Variants in KIF5C observed in about 807,000 individuals in gnomAD.
KIF5C encodes the protein kinesin family member 5C, also known as kinesin heavy chain isoform 5C.
KIF5C carries 18 observed loss-of-function variants against 125.2 expected under a neutral mutation model. That is an observed-to-expected ratio of 0.14 (90% CI 0.10 to 0.21). The LOEUF (loss-of-function observed/expected upper bound fraction) is 0.21. Ranked by LOEUF, KIF5C falls within the 10% of genes least tolerant of loss-of-function variation. The probability of loss-of-function intolerance (pLI) is 1.00; values close to 1 mark genes in which losing one functional copy is unlikely to be tolerated. For missense variants in KIF5C, 780 were observed against 1,183.8 expected (o/e 0.66, Z 5.01); for synonymous variants, 405 against 434.0 (o/e 0.93, Z 0.83).
chr2:149,005,372 G>A (rs1681976238), intron 21 of KIF5C, 21 bp from the exon 22 acceptor site: 1 of 1,611,444 alleles, frequency 6.2e-7, no homozygotes, highest in African/African-American at 1.3e-5. Flanking sequence ...CACTTAAGTG[G>A]CCTTTAAAAA....
chr2:148,966,657 T>A lies in KIF5C; in HGVS notation c.1117+4538T>A, dbSNP rs779362193. Among the ~76,000 whole-genome samples the A allele has an allele frequency of 1.1e-3, 162 of 152,278 alleles. 1 individual carries two copies. Among genetic ancestry groups the A allele is most frequent in the Non-Finnish European group, 1.4e-3 (95 of 68,016 alleles). On this transcript the variant is annotated intron_variant, in intron 11 of 25. Coordinates refer to ENST00000435030, the MANE Select transcript of KIF5C (RefSeq NM_004522.3). ...TTTCAACCCTTTGTAGCTTGATGCA[T>A]GCTATAGATTGAATGTTTTGTGCCC...
chr2:148,960,331 A>C (rs1483374175), intron 10 of KIF5C, among the ~76,000 whole-genome samples: 2 of 152,212 alleles, frequency 1.3e-5, no homozygotes, highest in African/African-American at 4.8e-5. Context: ...GTGTGCCCTT[A>C]AGTGTCCATA....
At chr2:149,001,765 T>C (rs113737863) in intron 21 of KIF5C, among the ~76,000 whole-genome samples, 3,654 of 152,340 alleles carry the variant, frequency 0.024, 136 homozygotes, top group African/African-American at 0.077. Context: ...GCATTTCACA[T>C]GATTCAATGA....
In KIF5C at chr2:148,991,028, G is replaced by A; in HGVS notation, c.1735G>A (p.Val579Ile). 6.2e-7 allele frequency: 1 copy of A among 1,613,584 alleles called. No individual in the cohort carries two copies. Among genetic ancestry groups the A allele is most frequent in the Non-Finnish European group, 8.5e-7 (1 of 1,179,752 alleles). The change falls in exon 16 of 26, where the codon GTC becomes ATC. Residue 579 changes from valine to isoleucine, a missense_variant. Transcript: ENST00000435030. ...DVKTLADVNG[V>I]IEEEFTMARL... is the part of the protein sequence containing the mutation. ...TGCTCAGTTGGCAGATGTGAATGGA[G>A]TCATTGAGGAGGAGTTTACCATGGC...
intron 10 of KIF5C, among the ~76,000 whole-genome samples, 153 bp from the exon 11 acceptor site, chr2:148,961,818 T>C (rs547089516): frequency 5.9e-5 from 9 of 152,310 alleles, no homozygotes; most frequent in African/African-American, 2.2e-4. Context: ...GTGGTGCCGT[T>C]AGTCCAATTA....
intron 8 of KIF5C, among the ~76,000 whole-genome samples, chr2:148,949,375 C>T (rs1682602965): frequency 6.6e-6 from 1 of 152,202 alleles, no homozygotes; most frequent in Admixed American, 6.5e-5. Context: ...AACCCTACCG[C>T]CTCTAGTCAT....
chr2:148,988,451 T>G (rs1681442334), intron 15 of KIF5C, among the ~76,000 whole-genome samples: 1 of 152,200 alleles, frequency 6.6e-6, no homozygotes, highest in African/African-American at 2.4e-5. Context: ...TTACATGGGA[T>G]CTAGGCATAA....
chr2:148,961,757 G>A (rs1558919501), intron 10 of KIF5C, among the ~76,000 whole-genome samples: 1 of 152,216 alleles, frequency 6.6e-6, no homozygotes. Flanking sequence ...TTAGAGACCA[G>A]TGGGATGTGA....
At chr2:148,950,563 C>T in intron 10 of KIF5C, 101 bp downstream of exon 10, 2 of 1,414,690 alleles carry the variant, frequency 1.4e-6, no homozygotes, top group Non-Finnish European at 1.9e-6. Flanking sequence ...AATCCCAGCA[C>T]TTTGGGAGGC....
chr2:148,877,471 A>G (rs544291429), intron 1 of KIF5C: 1 of 152,370 alleles, frequency 6.6e-6, no homozygotes, highest in South Asian at 2.1e-4. Context: ...TGACATATAC[A>G]TAGGCAGTAC....
chr2:148,942,555 T>A (rs927906959), intron 6 of KIF5C, 118 bp from the exon 7 acceptor site: 2 of 1,489,584 alleles, frequency 1.3e-6, no homozygotes, highest in Non-Finnish European at 1.8e-6. Flanking sequence ...TGGATCGATA[T>A]TTCAGCCTTT....
At chr2:148,960,158 A>G (rs1337246302) in intron 10 of KIF5C, among the ~76,000 whole-genome samples, 1 of 152,254 alleles carries the variant, frequency 6.6e-6, no homozygotes, top group Non-Finnish European at 1.5e-5. Context: ...AATGAGGACC[A>G]GTTACACCAA....
intron 1 of KIF5C, among the ~76,000 whole-genome samples, chr2:148,881,910 A>G (rs933728596): frequency 6.6e-6 from 1 of 152,070 alleles, no homozygotes; most frequent in Non-Finnish European, 1.5e-5. Flanking sequence ...CCTACTCCCT[A>G]ATGGTTTCTC....
intron 4 of KIF5C, among the ~76,000 whole-genome samples, chr2:148,940,584 G>A (rs1682387011): frequency 6.6e-6 from 1 of 152,194 alleles, no homozygotes; most frequent in African/African-American, 2.4e-5. Context: ...ATGTAGGGAT[G>A]AGGTTTTACC....
chr2:148,961,095 A>G (rs1682914316), intron 10 of KIF5C, among the ~76,000 whole-genome samples: 1 of 152,332 alleles, frequency 6.6e-6, no homozygotes, highest in South Asian at 2.1e-4. Flanking sequence ...CATGTGCCCC[A>G]GAGATCGCAT....
intron 9 of KIF5C, among the ~76,000 whole-genome samples, 172 bp downstream of exon 9, chr2:148,950,115 A>T (rs1682623690): frequency 6.6e-6 from 1 of 152,202 alleles, no homozygotes; most frequent in Non-Finnish European, 1.5e-5. Context: ...TCTACTAAAA[A>T]GTATGAATGG....
chr2:149,016,400 C>T (rs1047594967), intron 25 of KIF5C, among the ~76,000 whole-genome samples: 8 of 152,170 alleles, frequency 5.3e-5, no homozygotes, highest in Non-Finnish European at 7.4e-5. Context: ...GGGGAGGGTC[C>T]GGTACCAGAC....
At chr2:148,965,585 A>G (rs1030509588) in intron 11 of KIF5C, among the ~76,000 whole-genome samples, 5 of 152,294 alleles carry the variant, frequency 3.3e-5, no homozygotes, top group Admixed American at 2.6e-4. Flanking sequence ...GAGGGGGCAG[A>G]GCTACCTCAA....
chr2:149,015,612 C>T (rs1682336468), intron 25 of KIF5C, among the ~76,000 whole-genome samples: 1 of 152,158 alleles, frequency 6.6e-6, no homozygotes, highest in Non-Finnish European at 1.5e-5. Flanking sequence ...TATGAAGATG[C>T]CAATATACAA....
Sources: gnomAD v4.1 joint callset for allele counts (sites outside exome capture counted in the v4.1 genomes callset) on GRCh38, gnomAD v4.1.1 for gene constraint, MANE v1.5 for transcripts, NCBI Gene and HGNC (gene_info 2026-07-23, HGNC 2026-07-21) for gene names.